The following REL variants were observed in gnomAD, a reference collection of about 807,000 sequenced individuals.
REL encodes the protein proto-oncogene c-Rel.
In REL, 15 loss-of-function variants were observed where a neutral mutation model predicts 45.9. The ratio of observed to expected loss-of-function variants is 0.33; its 90% CI spans 0.22 to 0.50. The LOEUF is 0.50. Ranked by LOEUF, REL falls within the 20% of genes least tolerant of loss-of-function variation. The pLI is 0.98. For missense variants in REL, 601 were observed against 715.2 expected (o/e 0.84, Z 1.82); for synonymous variants, 239 against 242.1 (o/e 0.99, Z 0.12).
At chr2:60,894,807 C>G (rs891639177) in intron 3 of REL, among the ~76,000 whole-genome samples, 1 of 149,626 alleles carries the variant, frequency 6.7e-6, no homozygotes, top group African/African-American at 2.5e-5. Context: ...ACTGTGATTT[C>G]CTTTCTTGGG....
At chr2:60,918,011 A>C (rs997115644) in intron 5 of REL, among the ~76,000 whole-genome samples, 180 bp from the exon 6 acceptor site, 2 of 152,194 alleles carry the variant, frequency 1.3e-5, no homozygotes, top group Non-Finnish European at 2.9e-5. Context: ...CACAAAGTCT[A>C]AAGTAAAGCA....
chr2:60,922,375 T>C lies in REL; in HGVS notation c.1604T>C (p.Phe535Ser), dbSNP rs772883337. ...TCAGATGCATTTGAGGGATCTGACT[T>C]CAGTTGTGCAGATAACAGCATGATA... ...SQSDAFEGSDFSCADNSMINE... is the reference protein window; with the variant it reads ...SQSDAFEGSDSSCADNSMINE... Residue 535 changes from phenylalanine (F) to serine (S), a missense_variant, in exon 10 of 10, where the codon TTC (phenylalanine) becomes TCC (serine). By Grantham distance (155) the Phe-to-Ser change is radical (BLOSUM62 -2). Coordinates refer to ENST00000394479, the MANE Select transcript of REL (RefSeq NM_001291746.2). 2.0e-5 allele frequency: 33 copies of C among 1,614,118 alleles called. No individual in the cohort carries two copies. The highest frequency in any genetic ancestry group is 2.8e-5 in the Non-Finnish European group (33 of 1,180,012).
chr2:60,907,625 C>A (rs1673697279), intron 4 of REL, among the ~76,000 whole-genome samples: 1 of 151,708 alleles, frequency 6.6e-6, no homozygotes. Context: ...CAGTGAGACC[C>A]CGTATCAAAA....
rs1027459545 is a variant in REL, at chr2:60,929,606, G to A, written c.*7071G>A. 4.9e-4 allele frequency: 73 copies of A among 148,794 alleles called. No individual in the cohort carries two copies. The highest frequency in any genetic ancestry group is 1.7e-3 in the African/African-American group (68 of 40,306). 9.2% of individuals were successfully genotyped at this position (148,794 alleles called of 1,614,324 possible). A position where few individuals can be genotyped will look rare whatever the true frequency, so the allele number is the denominator to read the frequency against. On this transcript the variant is annotated 3_prime_UTR_variant, in exon 10 of 10. Coordinates refer to ENST00000394479, the MANE Select transcript of REL (RefSeq NM_001291746.2). ...AAACACCACATATTCTCACTCATAG[G>A]TGGGAATTGAACAATGAGAACACAT...
At chr2:60,896,221 C>T (rs1434253293) in intron 3 of REL, among the ~76,000 whole-genome samples, 1 of 152,042 alleles carries the variant, frequency 6.6e-6, no homozygotes, top group African/African-American at 2.4e-5. Context: ...GTTGGCTGGG[C>T]TGGTCTCGAA....
rs1674229573 is a variant in REL at position 60,924,753 on chromosome 2, T to G, written c.*2218T>G. The G allele has an allele frequency of 4.8e-6, 1 of 208,684 alleles. No individual in the cohort carries two copies. Among genetic ancestry groups the G allele is most frequent in the Admixed American group, 5.9e-5 (1 of 16,962 alleles). 12.9% of individuals were successfully genotyped at this position (208,684 alleles called of 1,614,324 possible). On this transcript the variant is annotated 3_prime_UTR_variant, in exon 10 of 10. Coordinates refer to ENST00000394479, the MANE Select transcript of REL (RefSeq NM_001291746.2). ...TTTCCTTTTCAAAGTGCAAGATTTT[T>G]AAAAGAGACTTGTCACATATTCATT...
In REL at chr2:60,922,780, A is replaced by C; in HGVS notation, c.*245A>C. The stretch of plus-strand genomic sequence containing the variant: ...ACTCAGAGGCCAGGCGCAGGGGCTC[A>C]CACCTGTAATCCTAGCACTTTGGGA... On this transcript the variant is annotated 3_prime_UTR_variant, in exon 10 of 10. Coordinates refer to ENST00000394479, the MANE Select transcript of REL (RefSeq NM_001291746.2). 2 of 1,093,510 alleles carry C rather than the reference A, an allele frequency of 1.8e-6. No individual in the cohort carries two copies. Among genetic ancestry groups the C allele is most frequent in the East Asian group, 5.4e-5 (1 of 18,426 alleles). The allele number at this position is 1,093,510 out of a possible 1,614,324, so 67.7% of individuals were successfully genotyped here. A position where few individuals can be genotyped will look rare whatever the true frequency, so the allele number is the denominator to read the frequency against.
intron 4 of REL, among the ~76,000 whole-genome samples, chr2:60,916,514 A>G (rs780494318): frequency 2.6e-5 from 4 of 152,190 alleles, no homozygotes; most frequent in East Asian, 1.9e-4. Flanking sequence ...TAACACAACA[A>G]CTGGACCAAA....
rs842650 is a variant in REL, at chr2:60,881,861, A to T, written c.10+11A>T. ...GAGCCATGGCCTCCGGTGAGTGTTCATGGGGCGCGGGCCTGGGCCGGGGGA... is the reference window on the plus strand; with the variant it reads ...GAGCCATGGCCTCCGGTGAGTGTTCTTGGGGCGCGGGCCTGGGCCGGGGGA... On this transcript the variant is annotated intron_variant, in intron 1 of 9. Transcript: ENST00000394479. 115,373 of 1,487,866 alleles carry T rather than the reference A, an allele frequency of 0.078. 5,174 individuals carry two copies. The highest frequency in any genetic ancestry group is 0.16 in the Middle Eastern group (800 of 5,126). The allele number at this position is 1,487,866 out of a possible 1,614,324, so 92.2% of individuals were successfully genotyped here. A position where few individuals can be genotyped will look rare whatever the true frequency, so the allele number is the denominator to read the frequency against.
intron 1 of REL, among the ~76,000 whole-genome samples, chr2:60,884,343 A>G (rs993576902): frequency 3.3e-5 from 5 of 152,022 alleles, no homozygotes; most frequent in African/African-American, 1.2e-4. Context: ...GTTAGAATGT[A>G]GTTTAAAATC....
chr2:60,918,054 T>C, intron 5 of REL, 137 bp from the exon 6 acceptor site: 1 of 594,314 alleles, frequency 1.7e-6, no homozygotes. Flanking sequence ...AAATAGATGA[T>C]TAATGTATTT....
chr2:60,915,454 G>A (rs1161039251), intron 4 of REL, among the ~76,000 whole-genome samples: 1 of 152,208 alleles, frequency 6.6e-6, no homozygotes, highest in African/African-American at 2.4e-5. Flanking sequence ...GAGTACAGAT[G>A]TGTTTTTATG....
intron 4 of REL, among the ~76,000 whole-genome samples, chr2:60,906,213 A>G (rs1010997478): frequency 4.6e-5 from 7 of 152,186 alleles, no homozygotes; most frequent in Admixed American, 2.6e-4. Context: ...CCCACAACAC[A>G]TGAGAATTAT....
At chr2:60,917,720 G>GTGTGTA (rs1456832939) in intron 5 of REL, among the ~76,000 whole-genome samples, 5 of 149,096 alleles carry the variant, frequency 3.4e-5, no homozygotes, top group African/African-American at 5.0e-5. Flanking sequence ...GTGTGTACGT[G>GTGTGTA]TGTGTGTGTG....
chr2:60,905,978 AAAG>A (rs1673636735), intron 4 of REL, among the ~76,000 whole-genome samples: 1 of 152,240 alleles, frequency 6.6e-6, no homozygotes, highest in African/African-American at 2.4e-5. Flanking sequence ...CTGTGAAGAA[AAAG>A]AAGTTTAATT....
rs1174130887 is a variant in REL, at chr2:60,929,588, A to G, written c.*7053A>G. The G allele has an allele frequency of 2.0e-5, 3 of 150,380 alleles. No individual in the cohort carries two copies. Among genetic ancestry groups the G allele is most frequent in the Admixed American group, 1.3e-4 (2 of 15,004 alleles). The allele number at this position is 150,380 out of a possible 1,614,324, so 9.3% of individuals were successfully genotyped here. On this transcript the variant is annotated 3_prime_UTR_variant, in exon 10 of 10. Coordinates refer to ENST00000394479, the MANE Select transcript of REL (RefSeq NM_001291746.2). ...TCGCAAGAACAAGAAACCAAACACC[A>G]CATATTCTCACTCATAGGTGGGAAT...
intron 1 of REL, among the ~76,000 whole-genome samples, chr2:60,883,986 C>A (rs916361634): frequency 2.0e-5 from 3 of 146,792 alleles, no homozygotes; most frequent in Admixed American, 7.0e-5. Context: ...TTACAGGAAT[C>A]TGTGTACTTT....
In REL at chr2:60,931,556, A is replaced by T. The variant is rs1314217061; in HGVS notation, c.*9021A>T. Reference sequence around the variant, plus strand: ...ATACAGAATATTTTATTACATTTGCAATATCTTTGTATATAGTGATTTTTT... The same window carrying T: ...ATACAGAATATTTTATTACATTTGCTATATCTTTGTATATAGTGATTTTTT... On this transcript the variant is annotated 3_prime_UTR_variant, in exon 10 of 10. Coordinates refer to ENST00000394479, the MANE Select transcript of REL (RefSeq NM_001291746.2). 1 of 152,294 alleles carries T rather than the reference A, an allele frequency of 6.6e-6. No homozygotes were observed. The highest frequency in any genetic ancestry group is 1.5e-5 in the Non-Finnish European group (1 of 68,022). The allele number at this position is 152,294 out of a possible 1,614,324, so 9.4% of individuals were successfully genotyped here. A position where few individuals can be genotyped will look rare whatever the true frequency, so the allele number is the denominator to read the frequency against.
chr2:60,920,476 C>T (rs1674110026), intron 8 of REL, 98 bp from the exon 9 acceptor site: 1 of 893,230 alleles, frequency 1.1e-6, no homozygotes, highest in Non-Finnish European at 1.9e-6. Context: ...GCTGGGATTA[C>T]AGGTGGGAGC....
Sources: gnomAD v4.1 joint callset for allele counts (sites outside exome capture counted in the v4.1 genomes callset) on GRCh38, gnomAD v4.1.1 for gene constraint, MANE v1.5 for transcripts, NCBI Gene and HGNC (gene_info 2026-07-23, HGNC 2026-07-21) for gene names.